The following DPY30 variants were observed in gnomAD, a reference collection of about 807,000 sequenced individuals.
DPY30 encodes the protein dpy-30 histone methyltransferase complex regulatory subunit.
A neutral mutation model predicts 16.2 loss-of-function variants in DPY30; 6 were observed. The observed-to-expected ratio is 0.37, with a 90% CI of 0.20 to 0.73. The LOEUF (loss-of-function observed/expected upper bound fraction) is 0.73, where lower values mean the gene tolerates loss of function less well. Among genes scored for constraint, DPY30 ranks in the 30% least tolerant of loss-of-function variants. The pLI is 0.51. For missense variants in DPY30, 73 were observed against 113.1 expected (o/e 0.65, Z 1.61); for synonymous variants, 39 against 38.8 (o/e 1.00, Z -0.02).
chr2:32,032,491 C>T (rs559605625), intron 3 of DPY30, among the ~76,000 whole-genome samples: 2 of 152,258 alleles, frequency 1.3e-5, no homozygotes, highest in South Asian at 2.1e-4. Context: ...AAAGACAATG[C>T]GGCAAACTTC....
At chr2:32,014,567 T>G (rs1266220951) in intron 5 of DPY30, among the ~76,000 whole-genome samples, 1 of 151,388 alleles carries the variant, frequency 6.6e-6, no homozygotes. Flanking sequence ...CACTGCAAGC[T>G]CCGCCTCCCG....
In DPY30 at chr2:32,024,147, A is replaced by G. The variant is rs748892394; in HGVS notation, c.*37T>C. The G allele has an allele frequency of 1.9e-6, 3 of 1,599,120 alleles. No individual in the cohort carries two copies. Among genetic ancestry groups the G allele is most frequent in the South Asian group, 1.1e-5 (1 of 88,900 alleles). ...AGCTGCCTCTTAATCATGTAAATCT[A>G]CAGTAGCAACTAAATTTTTCTGTTC... is the stretch of plus-strand genomic sequence containing the variant. On this transcript the variant is annotated 3_prime_UTR_variant, in exon 5 of 5. Transcript: ENST00000342166.
chr2:32,022,163 T>C (rs897240620), downstream of DPY30, among the ~76,000 whole-genome samples: 18 of 147,832 alleles, frequency 1.2e-4, no homozygotes, highest in African/African-American at 4.3e-4. Context: ...TGAGCCAAGA[T>C]CACGCCATTG....
downstream of DPY30, among the ~76,000 whole-genome samples, chr2:32,019,837 T>A (rs796491619): frequency 0.047 from 5,723 of 122,236 alleles, 177 homozygotes; most frequent in East Asian, 0.15. Context: ...AAAAAAAAAA[T>A]ATATATATAT....
chr2:32,038,379 G>A (rs1675830337), intron 3 of DPY30, among the ~76,000 whole-genome samples: 1 of 131,230 alleles, frequency 7.6e-6, no homozygotes, highest in Non-Finnish European at 1.6e-5. Flanking sequence ...GGGATTACAA[G>A]GGTGAGCCAC....
At chr2:32,034,767 G>C (rs573502648) in intron 3 of DPY30, among the ~76,000 whole-genome samples, 3 of 152,144 alleles carry the variant, frequency 2.0e-5, no homozygotes, top group Non-Finnish European at 4.4e-5. Context: ...GGGAGGTCAA[G>C]GCAGGTGGAT....
downstream of DPY30, among the ~76,000 whole-genome samples, chr2:32,022,619 G>T (rs1675210609): frequency 6.6e-6 from 1 of 151,848 alleles, no homozygotes; most frequent in Non-Finnish European, 1.5e-5. Flanking sequence ...CCAGGTTTAA[G>T]CAAGTCTTCT....
At chr2:32,014,729 C>T (rs916048876) in intron 5 of DPY30, among the ~76,000 whole-genome samples, 6 of 151,580 alleles carry the variant, frequency 4.0e-5, no homozygotes, top group African/African-American at 1.2e-4. Context: ...GTGATCTGCC[C>T]GCCTCGGCCT....
At chr2:32,023,309 G>A (rs936680461), downstream of DPY30, 1 of 395,286 alleles carries the variant, frequency 2.5e-6, no homozygotes, top group African/African-American at 2.1e-5. Context: ...TCTTCACAGG[G>A]GACAATGAGA....
chr2:32,018,074 ATTG>A (rs796465143), intron 5 of DPY30, among the ~76,000 whole-genome samples: 16 of 152,268 alleles, frequency 1.1e-4, no homozygotes, highest in African/African-American at 3.6e-4. Context: ...TGAGAAATAA[ATTG>A]TTGTTTACAG....
In DPY30 at chr2:32,024,344, TTTTAAG is replaced by T. The variant is rs1675256401; in HGVS notation, c.228-94_228-89del. The T allele has an allele frequency of 2.3e-5, 22 of 973,634 alleles. No individual in the cohort carries two copies. The South Asian group carries it at 2.5e-4, about 11-fold the overall frequency. 60.3% of individuals were successfully genotyped at this position (973,634 alleles called of 1,614,324 possible). On this transcript the variant is annotated intron_variant, in intron 4 of 4. Coordinates refer to ENST00000342166, the MANE Select transcript of DPY30 (RefSeq NM_001321209.2). ...ATTGTTCCATAATGAAAACTCATCT[TTTTAAG>T]TTTAATTTTCATTTCACAGTCAAAG...
chr2:32,039,099 C>A (rs1417308884), intron 3 of DPY30, among the ~76,000 whole-genome samples, 180 bp downstream of exon 3: 1 of 152,092 alleles, frequency 6.6e-6, no homozygotes, highest in Non-Finnish European at 1.5e-5. Flanking sequence ...GTAATTTGTA[C>A]GTCTGTACAC....
downstream of DPY30, among the ~76,000 whole-genome samples, chr2:32,020,240 C>T (rs923517018): frequency 1.3e-5 from 2 of 151,146 alleles, no homozygotes; most frequent in African/African-American, 4.9e-5. Flanking sequence ...GGCTCTCACA[C>T]CTATAATCCC....
chr2:32,014,162 A>G (rs1477741775), intron 5 of DPY30, among the ~76,000 whole-genome samples: 1 of 152,084 alleles, frequency 6.6e-6, no homozygotes, highest in Non-Finnish European at 1.5e-5. Context: ...AACTTGTTAA[A>G]CTAGGATATA....
chr2:32,033,604 G>A (rs761418911), intron 3 of DPY30, among the ~76,000 whole-genome samples: 4 of 152,144 alleles, frequency 2.6e-5, no homozygotes, highest in African/African-American at 2.4e-5. Context: ...CCTGGGAGGC[G>A]GAGGTTGCGG....
chr2:32,026,039 C>T (rs926438457), intron 4 of DPY30, among the ~76,000 whole-genome samples: 2 of 151,914 alleles, frequency 1.3e-5, no homozygotes, highest in Non-Finnish European at 1.5e-5. Flanking sequence ...CCTGGGAGTT[C>T]GAGGCTTCAG....
At chr2:32,035,567 C>A (rs1464950076) in intron 3 of DPY30, among the ~76,000 whole-genome samples, 1 of 148,742 alleles carries the variant, frequency 6.7e-6, no homozygotes, top group Admixed American at 6.8e-5. Flanking sequence ...AACAGCCTGG[C>A]AACAGAGCAA....
intron 4 of DPY30, among the ~76,000 whole-genome samples, chr2:32,026,094 C>G (rs890478259): frequency 6.6e-6 from 1 of 151,454 alleles, no homozygotes; most frequent in East Asian, 1.9e-4. Flanking sequence ...GGCAACAGAG[C>G]AAGACTCCAT....
intron 3 of DPY30, among the ~76,000 whole-genome samples, chr2:32,035,213 T>G (rs1367147426): frequency 6.6e-6 from 1 of 151,146 alleles, no homozygotes; most frequent in African/African-American, 2.4e-5. Flanking sequence ...AGACCAGGAG[T>G]TTGAGGCTAC....
Sources: gnomAD v4.1 joint callset for allele counts (sites outside exome capture counted in the v4.1 genomes callset) on GRCh38, gnomAD v4.1.1 for gene constraint, MANE v1.5 for transcripts, NCBI Gene and HGNC (gene_info 2026-07-23, HGNC 2026-07-21) for gene names.